PIGU: variants seen among roughly 807,000 people sequenced by gnomAD.
PIGU encodes the protein phosphatidylinositol glycan anchor biosynthesis class U.
A neutral mutation model predicts 49.9 loss-of-function variants in PIGU; 24 were observed. That is an observed-to-expected ratio of 0.48 (90% CI 0.35 to 0.68). PIGU has a LOEUF of 0.68. Among genes scored for constraint, PIGU ranks in the 30% least tolerant of loss-of-function variants. The pLI is 0.01. For missense variants in PIGU, 490 were observed against 532.6 expected, an observed-to-expected ratio of 0.92 and a Z score of 0.79; for synonymous variants, 220 against 205.7, an observed-to-expected ratio of 1.07 and a Z score of -0.59.
intron 7 of PIGU, among the ~76,000 whole-genome samples, chr20:34,594,410 G>C (rs1419805384): frequency 6.6e-6 from 1 of 152,094 alleles, no homozygotes; most frequent in African/African-American, 2.4e-5. Context: ...CCTTAAAAAA[G>C]AATGAGGACA....
At chr20:34,631,216 T>C (rs1985694505) in intron 6 of PIGU, among the ~76,000 whole-genome samples, 1 of 151,636 alleles carries the variant, frequency 6.6e-6, no homozygotes, top group South Asian at 2.1e-4. Flanking sequence ...TAAAACTCAA[T>C]AGAGGAGCTG....
In PIGU at chr20:34,581,406, A is replaced by G. The variant is rs535200035; in HGVS notation, c.1051+142T>C. 2.5e-4 allele frequency: 290 copies of G among 1,175,438 alleles called. 1 individual carries two copies. In the African/African-American group the frequency reaches 4.2e-3, roughly 17 times the overall value. The allele number at this position is 1,175,438 out of a possible 1,614,324, so 72.8% of individuals were successfully genotyped here. A position where few individuals can be genotyped will look rare whatever the true frequency, so the allele number is the denominator to read the frequency against. ...AAGTCCGCGGCACCTGGAAGCAGAT[A>G]TTGTGCTTCATGCCTCTGCTCCCCT... is the stretch of plus-strand genomic sequence containing the variant. On this transcript the variant is annotated intron_variant, in intron 10 of 11. Transcript: ENST00000217446.
At chr20:34,589,981 C>G in intron 7 of PIGU, among the ~76,000 whole-genome samples, 1 of 151,474 alleles carries the variant, frequency 6.6e-6, no homozygotes, top group East Asian at 1.9e-4. Context: ...AGTATGACAA[C>G]AGCAATTATG....
chr20:34,645,904 AT>A (rs1467862252), intron 2 of PIGU, among the ~76,000 whole-genome samples: 10 of 151,976 alleles, frequency 6.6e-5, no homozygotes, highest in African/African-American at 1.4e-4. Flanking sequence ...CTCAAAAAAA[AT>A]AAATAAATAA....
At chr20:34,644,433 C>A (rs182938850) in intron 3 of PIGU, among the ~76,000 whole-genome samples, 4 of 152,262 alleles carry the variant, frequency 2.6e-5, no homozygotes, top group Non-Finnish European at 5.9e-5. Context: ...GGATCAGGAC[C>A]CATCTAGGTT....
chr20:34,602,325 G>A (rs751864829), intron 7 of PIGU, among the ~76,000 whole-genome samples: 23 of 151,884 alleles, frequency 1.5e-4, no homozygotes, highest in Middle Eastern at 3.4e-3. Flanking sequence ...GGCTGGGTGC[G>A]GTGGCTCACA....
intron 1 of PIGU, among the ~76,000 whole-genome samples, chr20:34,673,325 T>C (rs564832229): frequency 2.6e-5 from 4 of 152,184 alleles, no homozygotes; most frequent in Non-Finnish European, 5.9e-5. Context: ...ATTTTTAAAT[T>C]CCTGCCTTTT....
chr20:34,645,205 A>T, intron 3 of PIGU, 70 bp downstream of exon 3: 35 of 1,282,014 alleles, frequency 2.7e-5, no homozygotes, highest in Non-Finnish European at 3.2e-5. Flanking sequence ...AAAAAAAAAG[A>T]GAGAGAGAGA....
Position 34,581,691 on chromosome 20 carries a change from A to AAG in PIGU, c.927-21_927-20dup, listed in dbSNP as rs11467128. 144 of 1,608,330 alleles carry AAG rather than the reference A, an allele frequency of 9.0e-5. No homozygotes were observed. The highest frequency in any genetic ancestry group is 1.2e-4 in the Non-Finnish European group (139 of 1,176,188). Reference sequence around the variant, plus strand: ...GTGCTCCCTGGGGCAGGGCAGGGGAAAGAGAGAGAGAGATGAGTCAGGGAC... The same window carrying AAG: ...GTGCTCCCTGGGGCAGGGCAGGGGAAAGAGAGAGAGAGAGATGAGTCAGGGAC... On this transcript the variant is annotated intron_variant, in intron 9 of 11. Coordinates refer to ENST00000217446, the MANE Select transcript of PIGU (RefSeq NM_080476.5).
At chr20:34,625,191 G>C (rs781216543) in intron 6 of PIGU, among the ~76,000 whole-genome samples, 2 of 151,950 alleles carry the variant, frequency 1.3e-5, no homozygotes, top group African/African-American at 4.8e-5. Context: ...GACCAACATG[G>C]AGAAACCCCG....
chr20:34,655,245 G>C (rs1361847279), intron 2 of PIGU, among the ~76,000 whole-genome samples: 1 of 120,810 alleles, frequency 8.3e-6, no homozygotes, highest in African/African-American at 3.1e-5. Flanking sequence ...AGGAGGTTGA[G>C]GCTATAGTAA....
chr20:34,597,105 T>C (rs1984231076), intron 7 of PIGU, among the ~76,000 whole-genome samples: 1 of 152,128 alleles, frequency 6.6e-6, no homozygotes, highest in Admixed American at 6.6e-5. Flanking sequence ...AAGCTAAACG[T>C]ACACTTGCCC....
chr20:34,589,649 CTTTTTTTT>C (rs34119895), intron 7 of PIGU, among the ~76,000 whole-genome samples: 19 of 53,696 alleles, frequency 3.5e-4, no homozygotes, highest in African/African-American at 7.0e-4. Flanking sequence ...CTGCACCTGG[CTTTTTTTT>C]TTTTTTTTTT....
At chr20:34,676,024 TAAAA>T (rs10711315) in intron 1 of PIGU, among the ~76,000 whole-genome samples, 4 of 132,600 alleles carry the variant, frequency 3.0e-5, no homozygotes. Context: ...TGTACTTCAG[TAAAA>T]AAAAAAAAAA....
At chr20:34,673,413 T>A (rs1400069013) in intron 1 of PIGU, among the ~76,000 whole-genome samples, 1 of 152,180 alleles carries the variant, frequency 6.6e-6, no homozygotes, top group African/African-American at 2.4e-5. Flanking sequence ...TTACAGATGT[T>A]GTACCTTCCC....
chr20:34,610,403 T>C (rs1406325239), intron 7 of PIGU, among the ~76,000 whole-genome samples: 1 of 152,048 alleles, frequency 6.6e-6, no homozygotes, highest in African/African-American at 2.4e-5. Flanking sequence ...CATTCCTATA[T>C]ACCAATTATA....
Position 34,560,945 on chromosome 20 carries a change from A to C in PIGU, c.1229T>G (p.Leu410Arg), listed in dbSNP as rs781381271. ...ATGTGTGAGGTAGTACTCCCGCCGC[A>C]GGAAGGCATAGAAGTAATCAGAGAT... ...LLISDYFYAF[L>R]RREYYLTHGL... Residue 410 changes from leucine to arginine, a missense_variant, in exon 12 of 12, where the codon CTG becomes CGG. Leu to Arg is a moderately radical substitution (Grantham distance 102). Transcript: ENST00000217446. The C allele has an allele frequency of 1.2e-6, 2 of 1,612,682 alleles. No individual in the cohort carries two copies.
Position 34,647,419 on chromosome 20 carries a change from A to G in PIGU, c.196-2085T>C, listed in dbSNP as rs189386014. Among the ~76,000 whole-genome samples, 13 of 150,790 alleles carry G rather than the reference A, an allele frequency of 8.6e-5. No individual in the cohort carries two copies. In the Admixed American group the frequency reaches 8.6e-4, roughly 10 times the overall value. ...TGGGATTACAGCCGCGCGCCACCACACCTGGCTAATTTTTGTATTTTTAGT... is the reference window on the plus strand; with the variant it reads ...TGGGATTACAGCCGCGCGCCACCACGCCTGGCTAATTTTTGTATTTTTAGT... On this transcript the variant is annotated intron_variant, in intron 2 of 11. Coordinates refer to ENST00000217446, the MANE Select transcript of PIGU (RefSeq NM_080476.5).
intron 7 of PIGU, among the ~76,000 whole-genome samples, chr20:34,601,584 A>G (rs548592643): frequency 6.6e-6 from 1 of 152,160 alleles, no homozygotes; most frequent in East Asian, 1.9e-4. Flanking sequence ...CAGGGCATAC[A>G]GCACCTGCTC....
Sources: gnomAD v4.1 joint callset for allele counts (sites outside exome capture counted in the v4.1 genomes callset) on GRCh38, gnomAD v4.1.1 for gene constraint, MANE v1.5 for transcripts, NCBI Gene and HGNC (gene_info 2026-07-23, HGNC 2026-07-21) for gene names.